PDE4D: variants seen among roughly 807,000 people sequenced by gnomAD.
PDE4D encodes 3',5'-cyclic-AMP phosphodiesterase 4D.
Under a neutral mutation model 87.4 loss-of-function variants are expected in PDE4D, and 24 were observed. The observed-to-expected ratio is 0.27, with a 90% confidence interval of 0.20 to 0.39. The LOEUF is 0.39. Among genes scored for constraint, PDE4D ranks in the 10% least tolerant of loss-of-function variants. PDE4D has a pLI of 1.00. For synonymous variants in PDE4D, 384 were observed against 383.2 expected (o/e 1.00, Z -0.02); for missense variants, 714 against 1,041.0 (o/e 0.69, Z 4.32).
chr5:59,396,258 G>C (rs1341951998), intron 1 of PDE4D, among the ~76,000 whole-genome samples: 4 of 109,304 alleles, frequency 3.7e-5, no homozygotes, highest in African/African-American at 4.0e-5. Context: ...CTCGAGAAGA[G>C]CAACTCCAAG....
intron 1 of PDE4D, among the ~76,000 whole-genome samples, chr5:59,701,424 G>A (rs1752548482): frequency 6.6e-6 from 1 of 152,152 alleles, no homozygotes; most frequent in African/African-American, 2.4e-5. Flanking sequence ...ATTTATGTTA[G>A]TGTCTTCAGT....
At chr5:59,746,567 A>G (rs1241943429) in intron 1 of PDE4D, among the ~76,000 whole-genome samples, 1 of 152,126 alleles carries the variant, frequency 6.6e-6, no homozygotes, top group African/African-American at 2.4e-5. Context: ...CAAGACTGCC[A>G]GGTCATTGCT....
chr5:59,102,930 A>C (rs1227610370), intron 5 of PDE4D, among the ~76,000 whole-genome samples: 1 of 152,184 alleles, frequency 6.6e-6, no homozygotes, highest in Admixed American at 6.5e-5. Context: ...ACTACCATAA[A>C]AGGAGGAAGA....
intron 1 of PDE4D, among the ~76,000 whole-genome samples, chr5:59,884,467 G>A (rs1370011978): frequency 2.0e-5 from 3 of 151,800 alleles, no homozygotes; most frequent in African/African-American, 7.3e-5. Context: ...ACAACTTGTA[G>A]AGTTTAAAAT....
At chr5:59,169,103 T>C (rs1374049584) in intron 5 of PDE4D, among the ~76,000 whole-genome samples, 1 of 152,202 alleles carries the variant, frequency 6.6e-6, no homozygotes, top group Non-Finnish European at 1.5e-5. Flanking sequence ...AACGACGCTG[T>C]GAGTGCACTC....
At chr5:60,281,136 C>A (rs1177470950) in intron 1 of PDE4D, among the ~76,000 whole-genome samples, 1 of 152,130 alleles carries the variant, frequency 6.6e-6, no homozygotes, top group Non-Finnish European at 1.5e-5. Context: ...TACTTTGTTT[C>A]AGTAGCAGAC....
chr5:60,439,474 T>C (rs1745021206), intron 1 of PDE4D, among the ~76,000 whole-genome samples: 1 of 152,130 alleles, frequency 6.6e-6, no homozygotes, highest in African/African-American at 2.4e-5. Flanking sequence ...GAACAATTCA[T>C]TCTATCCCAA....
intron 1 of PDE4D, among the ~76,000 whole-genome samples, chr5:59,845,397 T>C (rs527355603): frequency 3.3e-5 from 5 of 152,234 alleles, no homozygotes; most frequent in Middle Eastern, 3.4e-3. Context: ...TTTTTACTTC[T>C]TCCATGAACA....
intron 1 of PDE4D, among the ~76,000 whole-genome samples, chr5:60,449,782 T>C (rs944939476): frequency 2.0e-5 from 3 of 151,676 alleles, no homozygotes; most frequent in African/African-American, 7.3e-5. Context: ...TGTAGTCCTT[T>C]GGGTATATAC....
intron 1 of PDE4D, among the ~76,000 whole-genome samples, chr5:59,465,229 T>A (rs1801401015): frequency 6.6e-6 from 1 of 152,192 alleles, no homozygotes; most frequent in African/African-American, 2.4e-5. Flanking sequence ...GTTTCCTACA[T>A]CAGGACTTTG....
At chr5:59,547,797 C>T (rs1046280081) in intron 1 of PDE4D, among the ~76,000 whole-genome samples, 1 of 152,106 alleles carries the variant, frequency 6.6e-6, no homozygotes, top group African/African-American at 2.4e-5. Flanking sequence ...TGATTAATCC[C>T]CCTCCTACTG....
chr5:60,354,508 C>T (rs905923604), intron 1 of PDE4D, among the ~76,000 whole-genome samples: 4 of 152,164 alleles, frequency 2.6e-5, no homozygotes, highest in Admixed American at 6.5e-5. Flanking sequence ...ACTGTTTCTC[C>T]GCCAATCATA....
At chr5:59,525,839 C>G (rs1813031453) in intron 1 of PDE4D, among the ~76,000 whole-genome samples, 1 of 152,138 alleles carries the variant, frequency 6.6e-6, no homozygotes, top group African/African-American at 2.4e-5. Flanking sequence ...GCACTTCCCT[C>G]CCCTGCCGCC....
chr5:59,076,935 G>A (rs1403017921), intron 5 of PDE4D, among the ~76,000 whole-genome samples: 1 of 152,090 alleles, frequency 6.6e-6, no homozygotes, highest in Non-Finnish European at 1.5e-5. Context: ...CCAAGCTACC[G>A]ATCCACAACA....
intron 1 of PDE4D, among the ~76,000 whole-genome samples, chr5:59,873,231 C>G (rs1748085428): frequency 6.6e-6 from 1 of 152,220 alleles, no homozygotes. Flanking sequence ...GAACATTCTT[C>G]TAATTTTCTG....
chr5:59,648,402 T>TA lies in PDE4D; in HGVS notation c.455+244765dup, dbSNP rs549097293. Among the ~76,000 whole-genome samples, 10 of 152,302 alleles carry TA rather than the reference T, an allele frequency of 6.6e-5. No individual in the cohort carries two copies. The East Asian group carries it at 1.9e-3, about 29-fold the overall frequency. The stretch of plus-strand genomic sequence containing the variant: ...TCCAAGTCACTCTCTTAAATATGGT[T>TA]AACATTTTCATTACACAATAATTTT... On this transcript the variant is annotated intron_variant, in intron 1 of 14. Transcript: ENST00000340635.
chr5:60,503,886 A>G (rs1188416120), intron 1 of PDE4D, among the ~76,000 whole-genome samples: 2 of 152,162 alleles, frequency 1.3e-5, no homozygotes, highest in Admixed American at 6.6e-5. Flanking sequence ...TTCCAAAGAT[A>G]TGAAAGATGT....
chr5:60,306,761 A>T (rs1754533606), intron 1 of PDE4D, among the ~76,000 whole-genome samples: 1 of 152,146 alleles, frequency 6.6e-6, no homozygotes, highest in Non-Finnish European at 1.5e-5. Context: ...ATGTAAGAAA[A>T]CATGAAGTGA....
chr5:60,018,549 T>C (rs1765742828), intron 2 of PDE4D, among the ~76,000 whole-genome samples: 1 of 152,136 alleles, frequency 6.6e-6, no homozygotes. Context: ...AATGGCAAGC[T>C]GGATAAAGAA....
Sources: allele counts gnomAD v4.1 joint callset (sites outside exome capture counted in the v4.1 genomes callset), GRCh38; gene constraint gnomAD v4.1.1; transcripts MANE v1.5; gene names NCBI Gene and HGNC (gene_info 2026-07-23, HGNC 2026-07-21).